MS4A4A: variants seen among roughly 807,000 people sequenced by gnomAD.
The protein encoded by MS4A4A is membrane-spanning 4-domains subfamily A member 4A.
In MS4A4A, 26 loss-of-function variants were observed where a neutral mutation model predicts 28.0. That is an observed-to-expected ratio of 0.93 (90% CI 0.68 to 1.29). The LOEUF (loss-of-function observed/expected upper bound fraction) is 1.29, where lower values mean the gene tolerates loss of function less well. Ranked by LOEUF, MS4A4A falls within the 50% of genes most tolerant of loss-of-function variation. The probability of loss-of-function intolerance (pLI) is 0.00; values close to 1 mark genes in which losing one functional copy is unlikely to be tolerated. For missense variants in MS4A4A, 290 were observed against 293.1 expected, an observed-to-expected ratio of 0.99 and a Z score of 0.08; for synonymous variants, 86 against 100.8, an observed-to-expected ratio of 0.85 and a Z score of 0.88.
chr11:60,290,277 C>T, intron 1 of MS4A4A: 1 of 192,282 alleles, frequency 5.2e-6, no homozygotes. Context: ...GGGGGCCTCT[C>T]ATCCTTGATA....
chr11:60,293,008 A>G (rs1224492089), intron 2 of MS4A4A, among the ~76,000 whole-genome samples: 2 of 152,222 alleles, frequency 1.3e-5, no homozygotes, highest in Admixed American at 6.5e-5. Flanking sequence ...GTTATTTCTC[A>G]TAAAATATGT....
chr11:60,305,260 G>T (rs1250104766), intron 5 of MS4A4A, among the ~76,000 whole-genome samples: 1 of 152,156 alleles, frequency 6.6e-6, no homozygotes, highest in Non-Finnish European at 1.5e-5. Flanking sequence ...GCTTCTTATT[G>T]TTACTGTAAC....
chr11:60,288,599 C>T (rs1242347817), intron 1 of MS4A4A, among the ~76,000 whole-genome samples: 1 of 152,098 alleles, frequency 6.6e-6, no homozygotes, highest in African/African-American at 2.4e-5. Context: ...GGTTCCAGAG[C>T]CACTAGGACA....
At chr11:60,303,415 T>C (rs910242166) in intron 5 of MS4A4A, among the ~76,000 whole-genome samples, 3 of 152,092 alleles carry the variant, frequency 2.0e-5, no homozygotes, top group Non-Finnish European at 4.4e-5. Flanking sequence ...ATCTTTATTA[T>C]TAAAAAGCCT....
intron 3 of MS4A4A, 86 bp downstream of exon 3, chr11:60,297,411 T>C: frequency 6.9e-7 from 1 of 1,458,050 alleles, no homozygotes; most frequent in South Asian, 1.3e-5. Context: ...TCTAACCGTA[T>C]CTTGTAATTC....
In MS4A4A at chr11:60,302,672, C is replaced by G; in HGVS notation, c.501C>G (p.Tyr167Ter). The change falls in exon 5 of 7, where the codon TAC becomes TAG. Residue 167 changes from tyrosine (Y) to a stop codon, truncating the protein, a stop_gained. Coordinates refer to ENST00000337908, the MANE Select transcript of MS4A4A (RefSeq NM_148975.3). LOFTEE classifies it high-confidence loss of function. ...FYSFHHPYCNYYGNSNNCHGT... is the reference protein window; with the variant it reads ...FYSFHHPYCN ...CATTCCATCACCCTTACTGTAACTACTATGGCAACTCAAATAATTGTCATG... is the reference window on the plus strand; with the variant it reads ...CATTCCATCACCCTTACTGTAACTAGTATGGCAACTCAAATAATTGTCATG... 6.2e-7 allele frequency: 1 copy of G among 1,613,922 alleles called. No homozygotes were observed. Among genetic ancestry groups the G allele is most frequent in the Non-Finnish European group, 8.5e-7 (1 of 1,179,814 alleles).
chr11:60,302,488 T>C, intron 4 of MS4A4A, 71 bp from the exon 5 acceptor site: 2 of 1,433,232 alleles, frequency 1.4e-6, no homozygotes, highest in Admixed American at 3.6e-5. Context: ...AGATGGTGGG[T>C]GTAAAGTGAT....
rs774549295 is a variant in MS4A4A at position 60,305,524 on chromosome 11, C to T, written c.547-576C>T. ...GTAGCATCTTCAAATCTCTCTTGAACTCTATTCTGGCTCTTGCTTCCACTT... is the reference window on the plus strand; with the variant it reads ...GTAGCATCTTCAAATCTCTCTTGAATTCTATTCTGGCTCTTGCTTCCACTT... On this transcript the variant is annotated intron_variant, in intron 5 of 6. Transcript: ENST00000337908. 6.7e-4 allele frequency among the ~76,000 whole-genome samples: 102 copies of T among 152,266 alleles called. 2 individuals carry two copies. Among genetic ancestry groups the T allele is most frequent in the Non-Finnish European group, 1.9e-4 (13 of 68,050 alleles).
intron 1 of MS4A4A, among the ~76,000 whole-genome samples, chr11:60,287,697 G>A (rs1358062602): frequency 6.6e-6 from 1 of 152,184 alleles, no homozygotes; most frequent in Non-Finnish European, 1.5e-5. Context: ...ATATGGATGA[G>A]ACTCAAGGTA....
At chr11:60,281,522 T>C (rs559552531) in intron 1 of MS4A4A, among the ~76,000 whole-genome samples, 1 of 152,204 alleles carries the variant, frequency 6.6e-6, no homozygotes, top group African/African-American at 2.4e-5. Context: ...CCTTTTCCCT[T>C]CCCATGCCAC....
At chr11:60,297,157 G>A in intron 2 of MS4A4A, 40 bp from the exon 3 acceptor site, 1 of 1,609,338 alleles carries the variant, frequency 6.2e-7, no homozygotes, top group Non-Finnish European at 8.5e-7. Flanking sequence ...CACCATTTTT[G>A]TGGTGGACAA....
chr11:60,294,687 A>G (rs995315544), intron 2 of MS4A4A, among the ~76,000 whole-genome samples: 4 of 152,178 alleles, frequency 2.6e-5, no homozygotes, highest in South Asian at 2.1e-4. Context: ...AGTTTTAAGT[A>G]CTATTTTTTA....
chr11:60,281,934 A>G (rs4939330), intron 1 of MS4A4A, among the ~76,000 whole-genome samples: 26,303 of 152,216 alleles, frequency 0.17, 2,370 homozygotes, highest in South Asian at 0.31. Flanking sequence ...AGTTAAAAAA[A>G]AAATTGAATA....
chr11:60,284,553 C>A (rs562877100), intron 1 of MS4A4A, among the ~76,000 whole-genome samples: 20 of 152,252 alleles, frequency 1.3e-4, no homozygotes, highest in Admixed American at 1.2e-3. Context: ...CTCTCTTTTG[C>A]AGTTTGTCTC....
At chr11:60,306,348 C>T (rs2085001372) in intron 6 of MS4A4A, 147 bp downstream of exon 6, 5 of 696,458 alleles carry the variant, frequency 7.2e-6, no homozygotes. Flanking sequence ...TGAAGTATGT[C>T]CTTGACTCAG....
At chr11:60,300,423 T>C (rs2084941311) in intron 3 of MS4A4A, among the ~76,000 whole-genome samples, 1 of 152,104 alleles carries the variant, frequency 6.6e-6, no homozygotes, top group African/African-American at 2.4e-5. Flanking sequence ...AAGACCATCC[T>C]GGCTAACACG....
Position 60,292,281 on chromosome 11 carries a change from C to T in MS4A4A, c.98C>T (p.Ala33Val). Residue 33 changes from alanine to valine, a missense_variant, in exon 2 of 7, where the codon GCT becomes GTT. Ala to Val is a moderately conservative substitution (Grantham distance 64). Coordinates refer to ENST00000337908, the MANE Select transcript of MS4A4A (RefSeq NM_148975.3). ...GGAATGGAACAGGCCATGCCAGGGG[C>T]TGGCCCTGGTGTGCCCCAGCTGGGA... is the stretch of plus-strand genomic sequence containing the variant. ...MQGMEQAMPG[A>V]GPGVPQLGNM... is the part of the protein sequence containing the mutation. The T allele has an allele frequency of 6.2e-7, 1 of 1,606,402 alleles. No homozygotes were observed. The highest frequency in any genetic ancestry group is 8.5e-7 in the Non-Finnish European group (1 of 1,176,730).
At chr11:60,285,836 G>A (rs2084799028) in intron 1 of MS4A4A, among the ~76,000 whole-genome samples, 1 of 152,198 alleles carries the variant, frequency 6.6e-6, no homozygotes, top group African/African-American at 2.4e-5. Flanking sequence ...TCCATGTCCT[G>A]CTGTGCACAC....
chr11:60,292,054 A>C (rs547525004), intron 1 of MS4A4A, among the ~76,000 whole-genome samples, 171 bp from the exon 2 acceptor site: 57 of 152,000 alleles, frequency 3.8e-4, no homozygotes, highest in African/African-American at 1.2e-3. Context: ...CCCCCGCCCC[A>C]CACACACACT....
Sources: gnomAD v4.1 joint callset for allele counts (sites outside exome capture counted in the v4.1 genomes callset) on GRCh38, gnomAD v4.1.1 for gene constraint, MANE v1.5 for transcripts, NCBI Gene and HGNC (gene_info 2026-07-23, HGNC 2026-07-21) for gene names.